The following HMSD variants were observed in gnomAD, a reference collection of about 807,000 sequenced individuals.
HMSD encodes the protein histocompatibility minor serpin domain containing.
HMSD carries 13 observed loss-of-function variants against 10.0 expected under a neutral mutation model. The observed-to-expected ratio is 1.31, with a 90% CI of 0.85 to 2.08. HMSD has a LOEUF of 2.08. Among genes scored for constraint, HMSD ranks in the 30% most tolerant of loss-of-function variants. The pLI, the probability that HMSD is intolerant of heterozygous loss-of-function variation, is 0.00. For missense variants in HMSD, 169 were observed against 166.3 expected (o/e 1.02, Z -0.09); for synonymous variants, 51 against 54.2 (o/e 0.94, Z 0.26).
intron 3 of HMSD, among the ~76,000 whole-genome samples, chr18:63,958,971 C>A (rs559964663): frequency 6.6e-6 from 1 of 151,942 alleles, no homozygotes; most frequent in Non-Finnish European, 1.5e-5. Context: ...GGAGTGACAG[C>A]TTCTATAGTC....
downstream of HMSD, among the ~76,000 whole-genome samples, chr18:63,963,071 C>CTCTTTCTTTCTTTCTTTATTTCTT: frequency 9.5e-6 from 1 of 105,020 alleles, no homozygotes; most frequent in South Asian, 3.2e-4. Context: ...TCTTTTCTTT[C>CTCTTTCTTTCTTTCTTTATTTCTT]TCTTTCTTTC....
At chr18:63,950,415 C>CAAAAAAAAAA (rs562421091) in intron 1 of HMSD, among the ~76,000 whole-genome samples, 796 of 39,044 alleles carry the variant, frequency 0.02, 72 homozygotes, top group Non-Finnish European at 0.033. Context: ...GACTCTCTCT[C>CAAAAAAAAAA]AAAAAAAAAA....
In HMSD at chr18:63,953,383, C is replaced by T. The variant is rs2144756854; in HGVS notation, c.-73C>T. On this transcript the variant is annotated 5_prime_UTR_variant, in exon 2 of 4. The change creates a premature stop within an existing upstream ORF in the 5' untranslated region. Coordinates refer to ENST00000408945, the MANE Select transcript of HMSD (RefSeq NM_001123366.2). ...ACCGTCATGGATGCTCTATCAGAAG[C>T]AAATGGCACATTTGCATTAAACCTT... The T allele has an allele frequency of 8.7e-7, 1 of 1,152,806 alleles. No homozygotes were observed. Among genetic ancestry groups the T allele is most frequent in the Non-Finnish European group, 1.3e-6 (1 of 776,078 alleles). 71.4% of individuals were successfully genotyped at this position (1,152,806 alleles called of 1,614,324 possible). A position where few individuals can be genotyped will look rare whatever the true frequency, so the allele number is the denominator to read the frequency against.
chr18:63,963,075 T>TTCTTTCTTTCTTTTCTTTC (rs2050393766), downstream of HMSD, among the ~76,000 whole-genome samples: 1 of 26,764 alleles, frequency 3.7e-5, no homozygotes, highest in Admixed American at 3.5e-4. Context: ...TTCTTTCTCT[T>TTCTTTCTTTCTTTTCTTTC]TCTTTCTTTC....
downstream of HMSD, among the ~76,000 whole-genome samples, chr18:63,962,973 G>T (rs1002721119): frequency 6.6e-6 from 1 of 152,092 alleles, no homozygotes; most frequent in Non-Finnish European, 1.5e-5. Flanking sequence ...CCTGATTGGC[G>T]TATCTAGTGG....
At chr18:63,969,059 C>A (rs559262865) in intron 3 of HMSD, among the ~76,000 whole-genome samples, 2 of 152,256 alleles carry the variant, frequency 1.3e-5, no homozygotes, top group South Asian at 4.1e-4. Flanking sequence ...AACTGGAGAG[C>A]TCTGTGAGAG....
At chr18:63,968,536 T>G (rs947136423) in intron 3 of HMSD, 10 of 152,278 alleles carry the variant, frequency 6.6e-5, no homozygotes, top group African/African-American at 2.4e-4. Flanking sequence ...ACATGGGATA[T>G]CTGTGTTTAC....
chr18:63,962,639 C>G (rs1399594135), downstream of HMSD, among the ~76,000 whole-genome samples: 1 of 152,186 alleles, frequency 6.6e-6, no homozygotes, highest in Non-Finnish European at 1.5e-5. Flanking sequence ...TTCACTCCTC[C>G]TATGCTTCAA....
Position 63,959,170 on chromosome 18 carries a change from AG to A in HMSD, c.223-986del, listed in dbSNP as rs139079959. Among the ~76,000 whole-genome samples, 1,051 of 152,210 alleles carry A rather than the reference AG, an allele frequency of 6.9e-3. 13 individuals carry two copies. Among genetic ancestry groups the A allele is most frequent in the African/African-American group, 0.024 (995 of 41,548 alleles). ...AAAGCTGTTATGAATATTTGTGTGCAGGTTTTATCAGCTCCTTTGGGTAAAT... is the reference window on the plus strand; with the variant it reads ...AAAGCTGTTATGAATATTTGTGTGCAGTTTTATCAGCTCCTTTGGGTAAAT... On this transcript the variant is annotated intron_variant, in intron 3 of 3. Transcript: ENST00000408945.
chr18:63,963,046 T>TTTTCTTTCTTTCTTTCTTTC (rs148830154), downstream of HMSD, among the ~76,000 whole-genome samples: 34 of 125,510 alleles, frequency 2.7e-4, 1 homozygote, highest in African/African-American at 1.2e-3. Context: ...TCAGATGTAG[T>TTTTCTTTCTTTCTTTCTTTC]TTTCTTTCTT....
In HMSD at chr18:63,954,414, T is replaced by C. The variant is rs1273530391; in HGVS notation, c.79T>C (p.Cys27Arg). The change falls in exon 3 of 4, where the codon TGT becomes CGT. Residue 27 changes from cysteine (C) to arginine (R), a missense_variant. Transcript: ENST00000408945. The part of the protein sequence containing the change: ...NTAAQMSQAL[C>R]FSKIGGEDGD... ...ATTATTATTTTATTTTCAGGCACTT[T>C]GTTTTAGTAAAATCGGAGGTGAAGA... 2 of 1,610,938 alleles carry C rather than the reference T, an allele frequency of 1.2e-6. No individual in the cohort carries two copies. The highest frequency in any genetic ancestry group is 2.2e-5 in the East Asian group (1 of 44,856).
intron 3 of HMSD, among the ~76,000 whole-genome samples, chr18:63,959,253 G>C (rs888862518): frequency 2.0e-5 from 3 of 152,124 alleles, no homozygotes; most frequent in African/African-American, 7.2e-5. Flanking sequence ...CTTCCACACT[G>C]TCTTCCAAAG....
At chr18:63,956,358 A>ATAC in intron 3 of HMSD, among the ~76,000 whole-genome samples, 1 of 143,548 alleles carries the variant, frequency 7.0e-6, no homozygotes, top group South Asian at 2.2e-4. Context: ...CTATTAAAAA[A>ATAC]AAAACAAACT....
chr18:63,953,741 A>G (rs1166382845), intron 2 of HMSD, among the ~76,000 whole-genome samples: 1 of 152,176 alleles, frequency 6.6e-6, no homozygotes, highest in Non-Finnish European at 1.5e-5. Context: ...TCTGCAGGCA[A>G]CTGGGCTAGA....
At chr18:63,952,340 T>C (rs1210218136) in intron 1 of HMSD, among the ~76,000 whole-genome samples, 4 of 151,382 alleles carry the variant, frequency 2.6e-5, no homozygotes, top group Non-Finnish European at 5.9e-5. Flanking sequence ...TACATGCAAG[T>C]CCATTAATTT....
In HMSD at chr18:63,953,277, G is replaced by A. The variant is rs948969623; in HGVS notation, c.-102-77G>A. ...ATGAAAACAAGTATCCATTTAACTA[G>A]TAATAAATAGAGTGAAAAGTAAATA... On this transcript the variant is annotated intron_variant, in intron 1 of 3. Coordinates refer to ENST00000408945, the MANE Select transcript of HMSD (RefSeq NM_001123366.2). The A allele has an allele frequency of 7.3e-6, 4 of 551,442 alleles. No homozygotes were observed. In the African/African-American group the frequency reaches 7.6e-5, roughly 10 times the overall value. The allele number at this position is 551,442 out of a possible 1,614,324, so 34.2% of individuals were successfully genotyped here.
At chr18:63,966,611 ACACTC>A (rs1263445905), downstream of HMSD, 2 of 152,254 alleles carry the variant, frequency 1.3e-5, no homozygotes, top group Admixed American at 1.3e-4. Context: ...TAGAGAGTGA[ACACTC>A]CATTCCTTAA....
chr18:63,950,371 G>T (rs1051612883), intron 1 of HMSD, among the ~76,000 whole-genome samples: 1 of 125,506 alleles, frequency 8.0e-6, no homozygotes, highest in Admixed American at 1.1e-4. Context: ...AGCCAAGATT[G>T]CACCACTGCA....
intron 1 of HMSD, among the ~76,000 whole-genome samples, chr18:63,952,233 T>A (rs1043665501): frequency 4.6e-5 from 7 of 151,596 alleles, no homozygotes; most frequent in Non-Finnish European, 8.8e-5. Flanking sequence ...GGCACATGTA[T>A]ACATAACTAA....
Sources: gnomAD v4.1 joint callset for allele counts (sites outside exome capture counted in the v4.1 genomes callset) on GRCh38, gnomAD v4.1.1 for gene constraint, MANE v1.5 for transcripts, NCBI Gene and HGNC (gene_info 2026-07-23, HGNC 2026-07-21) for gene names.